ARSK: variants seen among roughly 807,000 people sequenced by gnomAD.
ARSK encodes the protein arylsulfatase K.
ARSK carries 37 observed loss-of-function variants against 53.2 expected under a neutral mutation model. The ratio of observed to expected loss-of-function variants is 0.70; its 90% confidence interval spans 0.54 to 0.92. ARSK has a LOEUF of 0.92. ARSK is among the 40% of genes least tolerant of loss of function. ARSK has a pLI of 0.00. For synonymous variants in ARSK, 208 were observed against 223.2 expected (o/e 0.93, Z 0.61); for missense variants, 613 against 643.0 (o/e 0.95, Z 0.51).
chr5:95,568,019 T>C lies in ARSK; in HGVS notation c.386T>C (p.Leu129Pro). 6.2e-7 allele frequency: 1 copy of C among 1,613,892 alleles called. No homozygotes were observed. The highest frequency in any genetic ancestry group is 8.5e-7 in the Non-Finnish European group (1 of 1,179,862). Reference protein sequence around the residue: ...HGYRTQKFGKLDYTSGHHSIS... With the variant: ...HGYRTQKFGKPDYTSGHHSIS... ...TACCGAACACAGAAATTTGGGAAAC[T>C]GGACTATACTTCAGGACATCACTCC... The change falls in exon 3 of 8, where the codon CTG (leucine) becomes CCG (proline). Residue 129 changes from leucine (L) to proline (P), a missense_variant. Coordinates refer to ENST00000380009, the MANE Select transcript of ARSK (RefSeq NM_198150.3).
At position 95,601,009 on chromosome 5, in the gene ARSK, G is replaced by A. The variant is rs370552188; in HGVS notation, c.1259G>A (p.Arg420Gln). 1.4e-5 allele frequency: 22 copies of A among 1,613,986 alleles called. No individual in the cohort carries two copies. Among genetic ancestry groups the A allele is most frequent in the South Asian group, 9.9e-5 (9 of 91,072 alleles). The change falls in exon 7 of 8, where the codon CGA (arginine) becomes CAA (glutamine). Residue 420 changes from arginine (R) to glutamine (Q), a missense_variant. Transcript: ENST00000380009. ...GTGAATGCCTCCACCTACATGCTTCGAACTAACCACTGGAAATATATAGCC... is the reference window on the plus strand; with the variant it reads ...GTGAATGCCTCCACCTACATGCTTCAAACTAACCACTGGAAATATATAGCC... ...CNVNASTYML[R>Q]TNHWKYIAYS...
intron 6 of ARSK, among the ~76,000 whole-genome samples, chr5:95,593,672 G>A (rs537118305): frequency 7.2e-5 from 11 of 152,244 alleles, no homozygotes; most frequent in African/African-American, 2.6e-4. Context: ...AAATTCTCAT[G>A]CATCTACCTA....
At chr5:95,586,527 T>C in intron 4 of ARSK, 35 bp from the exon 5 acceptor site, 3 of 1,539,820 alleles carry the variant, frequency 1.9e-6, no homozygotes, top group Non-Finnish European at 2.7e-6. Context: ...AGCACTATTT[T>C]GCTAGCATAA....
At position 95,555,501 on chromosome 5, in the gene ARSK, C is replaced by CTG; in HGVS notation, c.126+97_126+98insTG. The stretch of plus-strand genomic sequence containing the variant: ...AGGCTTTGGGGAGCAGAACCTGAGA[C>CTG]ATTTTCAAACACCTTTTACCCCGAT... On this transcript the variant is annotated intron_variant, in intron 1 of 7. Transcript: ENST00000380009. The surrounding 1 kb of genome is among the most constrained non-coding windows in gnomAD (Gnocchi z 4.0). 1 of 1,298,736 alleles carries CTG rather than the reference C, an allele frequency of 7.7e-7. No individual in the cohort carries two copies. Among genetic ancestry groups the CTG allele is most frequent in the South Asian group, 1.5e-5 (1 of 68,538 alleles). 80.5% of individuals were successfully genotyped at this position (1,298,736 alleles called of 1,614,324 possible). A position where few individuals can be genotyped will look rare whatever the true frequency, so the allele number is the denominator to read the frequency against.
intron 5 of ARSK, among the ~76,000 whole-genome samples, chr5:95,588,612 C>G (rs1749162535): frequency 6.6e-6 from 1 of 152,098 alleles, no homozygotes; most frequent in African/African-American, 2.4e-5. Flanking sequence ...TACCTACTAG[C>G]TGTAAGGCAC....
chr5:95,571,808 T>G (rs1474107633), intron 3 of ARSK, among the ~76,000 whole-genome samples: 2 of 152,226 alleles, frequency 1.3e-5, no homozygotes, highest in Admixed American at 6.5e-5. Context: ...TAGGTCAAGG[T>G]TGCTGTTAAT....
At chr5:95,586,449 C>A in intron 4 of ARSK, 113 bp from the exon 5 acceptor site, 2 of 823,270 alleles carry the variant, frequency 2.4e-6, no homozygotes, top group African/African-American at 1.8e-5. Flanking sequence ...TTACACTGTT[C>A]TTTTCTACTA....
chr5:95,594,870 C>G (rs1250675480), intron 6 of ARSK, among the ~76,000 whole-genome samples: 1 of 151,836 alleles, frequency 6.6e-6, no homozygotes, highest in East Asian at 1.9e-4. Flanking sequence ...AAGAAATAGT[C>G]CTTCTCATAT....
chr5:95,558,439 T>C (rs1369914489), intron 1 of ARSK, among the ~76,000 whole-genome samples: 1 of 152,138 alleles, frequency 6.6e-6, no homozygotes, highest in Non-Finnish European at 1.5e-5. Context: ...AAATTGGTTC[T>C]TAGACAAAAT....
At chr5:95,563,417 G>A (rs1368030571) in intron 1 of ARSK, among the ~76,000 whole-genome samples, 2 of 151,988 alleles carry the variant, frequency 1.3e-5, no homozygotes, top group East Asian at 1.9e-4. Flanking sequence ...TTTGCATACC[G>A]CTCACTGCCT....
In ARSK at chr5:95,555,461, C is replaced by G; in HGVS notation, c.126+57C>G. 3 of 1,540,820 alleles carry G rather than the reference C, an allele frequency of 1.9e-6. No homozygotes were observed. Among genetic ancestry groups the G allele is most frequent in the Non-Finnish European group, 2.6e-6 (3 of 1,140,148 alleles). ...CGCTGGGGATCGGCGACCTCACCGCCGCCGCCTGTGCTGCAGGCTTTGGGG... is the reference window on the plus strand; with the variant it reads ...CGCTGGGGATCGGCGACCTCACCGCGGCCGCCTGTGCTGCAGGCTTTGGGG... On this transcript the variant is annotated intron_variant, in intron 1 of 7. Coordinates refer to ENST00000380009, the MANE Select transcript of ARSK (RefSeq NM_198150.3). This position sits in a 1 kb window ranked among gnomAD's most constrained non-coding sequence, Gnocchi z 4.0.
intron 4 of ARSK, among the ~76,000 whole-genome samples, chr5:95,586,151 G>T (rs1749106994): frequency 6.6e-6 from 1 of 152,056 alleles, no homozygotes; most frequent in Non-Finnish European, 1.5e-5. Context: ...TATCTCACTA[G>T]ATATTGTCAT....
intron 3 of ARSK, among the ~76,000 whole-genome samples, chr5:95,579,613 T>G (rs2112429790): frequency 6.6e-6 from 1 of 152,318 alleles, no homozygotes; most frequent in South Asian, 2.1e-4. Context: ...GGACCACACT[T>G]GGAGTAGCAA....
At chr5:95,586,017 T>C (rs1004563525) in intron 4 of ARSK, among the ~76,000 whole-genome samples, 1 of 152,182 alleles carries the variant, frequency 6.6e-6, no homozygotes, top group Non-Finnish European at 1.5e-5. Flanking sequence ...GTTTGAACTT[T>C]TTGAAAGTTA....
intron 5 of ARSK, among the ~76,000 whole-genome samples, chr5:95,590,617 C>T (rs567365924): frequency 6.6e-6 from 1 of 152,254 alleles, no homozygotes; most frequent in South Asian, 2.1e-4. Flanking sequence ...GAATGTCAAT[C>T]CTGATTACAC....
intron 1 of ARSK, chr5:95,556,329 G>C: frequency 5.9e-6 from 4 of 682,972 alleles, no homozygotes; most frequent in Non-Finnish European, 8.0e-6. Flanking sequence ...TGACTAGATG[G>C]CATTTTATTA....
intron 3 of ARSK, among the ~76,000 whole-genome samples, chr5:95,570,961 T>C (rs969641555): frequency 6.6e-6 from 1 of 152,164 alleles, no homozygotes; most frequent in African/African-American, 2.4e-5. Context: ...TTTTGTATTT[T>C]CAGTAGAGAT....
chr5:95,600,116 T>G (rs1401267084), intron 6 of ARSK, among the ~76,000 whole-genome samples: 3 of 152,214 alleles, frequency 2.0e-5, no homozygotes. Context: ...TTTCTCATGC[T>G]GTTGTTCTAT....
rs543452909 is a variant in ARSK at position 95,589,151 on chromosome 5, G to A, written c.872-2250G>A. On this transcript the variant is annotated intron_variant, in intron 5 of 7. Coordinates refer to ENST00000380009, the MANE Select transcript of ARSK (RefSeq NM_198150.3). ...TCTTCCCCAACCACTCTAACTCAGT[G>A]TGCCAGCTCCATCATTCTGCTTACT... 4.6e-5 allele frequency among the ~76,000 whole-genome samples: 7 copies of A among 152,290 alleles called. No homozygotes were observed. The South Asian group carries it at 1.0e-3, about 23-fold the overall frequency.
Sources: gnomAD v4.1 joint callset for allele counts (sites outside exome capture counted in the v4.1 genomes callset) on GRCh38, gnomAD v4.1.1 for gene constraint, Gnocchi (gnomAD v3.1) non-coding constraint, MANE v1.5 for transcripts, NCBI Gene and HGNC (gene_info 2026-07-23, HGNC 2026-07-21) for gene names.